PARP6: variants seen among roughly 807,000 people sequenced by gnomAD.
PARP6 encodes poly(ADP-ribose) polymerase family member 6.
In PARP6, 27 loss-of-function variants were observed where a neutral mutation model predicts 92.0. The observed-to-expected ratio is 0.29, with a 90% CI of 0.22 to 0.40. The LOEUF (loss-of-function observed/expected upper bound fraction) is 0.40. PARP6 is among the 10% of genes least tolerant of loss of function. The pLI is 1.00. For missense variants in PARP6, 501 were observed against 784.5 expected, an observed-to-expected ratio of 0.64 and a Z score of 4.32; for synonymous variants, 272 against 281.2, an observed-to-expected ratio of 0.97 and a Z score of 0.33.
intron 20 of PARP6, chr15:72,243,773 G>A (rs1049014470): frequency 1.3e-5 from 2 of 152,176 alleles, no homozygotes; most frequent in African/African-American, 4.8e-5. Context: ...ACACGTGCCT[G>A]TGTGTGTCCA....
rs199947731 is a variant in PARP6, at chr15:72,270,421, TA to T, written c.-195+601del. ...TTGAAAAGTTTCAAAATAAAAAGTT[TA>T]AAAAAAAAATCAGAAGCTACTCTAA... On this transcript the variant is annotated intron_variant, in intron 2 of 23. Transcript: ENST00000569795. Among the ~76,000 whole-genome samples, 44 of 150,488 alleles carry T rather than the reference TA, an allele frequency of 2.9e-4. 1 individual carries two copies. The East Asian group carries it at 4.5e-3, about 15-fold the overall frequency.
rs1328941338 is a variant in PARP6, at chr15:72,266,664, C to T, written c.81+81G>A. 4.0e-6 allele frequency: 4 copies of T among 997,628 alleles called. No individual in the cohort carries two copies. In the African/African-American group the frequency reaches 4.8e-5, roughly 12 times the overall value. The allele number at this position is 997,628 out of a possible 1,614,324, so 61.8% of individuals were successfully genotyped here. A position where few individuals can be genotyped will look rare whatever the true frequency, so the allele number is the denominator to read the frequency against. On this transcript the variant is annotated intron_variant, in intron 4 of 23. Transcript: ENST00000569795. ...ACCTCATCTCATCTGTGCTCCAGAA[C>T]CTCTTTCACTCCTGATGTATCCAAA...
At chr15:72,254,991 A>T (rs1216225915) in intron 14 of PARP6, among the ~76,000 whole-genome samples, 1 of 152,108 alleles carries the variant, frequency 6.6e-6, no homozygotes, top group Non-Finnish European at 1.5e-5. Context: ...GAATCAGCAG[A>T]CTGAGTAAAG....
intron 4 of PARP6, among the ~76,000 whole-genome samples, 153 bp downstream of exon 4, chr15:72,266,592 C>T (rs1375225513): frequency 6.6e-6 from 1 of 152,150 alleles, no homozygotes; most frequent in Non-Finnish European, 1.5e-5. Context: ...AGCAAGGGCA[C>T]GGGATCAGCT....
rs777275830 is a variant in PARP6 at position 72,241,999 on chromosome 15, G to A, written c.1706-14C>T. On this transcript the variant is annotated splice_polypyrimidine_tract_variant and intron_variant, in intron 22 of 23. Coordinates refer to ENST00000569795, the MANE Select transcript of PARP6 (RefSeq NM_001323532.2). This position sits in a 1 kb window ranked among gnomAD's most constrained non-coding sequence, Gnocchi z 4.1. ...TAGATGTAATCACTGGGAGAAAGAG[G>A]GCCAGAAATCATAGATACAATGCTT... The A allele has an allele frequency of 3.1e-6, 5 of 1,596,718 alleles. No individual in the cohort carries two copies. Among genetic ancestry groups the A allele is most frequent in the Admixed American group, 3.3e-5 (2 of 59,986 alleles).
intron 15 of PARP6, 155 bp from the exon 16 acceptor site, chr15:72,253,659 C>A: frequency 1.4e-6 from 1 of 703,402 alleles, no homozygotes. Context: ...TCAAGGAGCC[C>A]TAGTCAGGCT....
intron 14 of PARP6, among the ~76,000 whole-genome samples, chr15:72,254,735 A>G (rs2084841865): frequency 6.6e-6 from 1 of 152,064 alleles, no homozygotes; most frequent in Admixed American, 6.6e-5. Flanking sequence ...GCCTCTTAGA[A>G]CCTTTAGCAT....
intron 20 of PARP6, chr15:72,243,635 T>C (rs965366004): frequency 1.3e-5 from 2 of 152,194 alleles, no homozygotes; most frequent in African/African-American, 4.8e-5. Context: ...GATATGAAAA[T>C]GTGCTTGTGT....
intron 8 of PARP6, among the ~76,000 whole-genome samples, chr15:72,262,607 T>C (rs2086043573): frequency 6.6e-6 from 1 of 152,216 alleles, no homozygotes; most frequent in African/African-American, 2.4e-5. Flanking sequence ...TGTTTCTATG[T>C]TGTTGCCAAC....
chr15:72,260,669 T>G lies in PARP6; in HGVS notation c.565A>C (p.Ile189Leu). ...PIPKSPSFPI[I>L]QDSMLKGKLG... ...TTGCCTTTCAGCATGGAGTCCTGTA[T>G]GATAGGGAAACTGGGAGACCTGCAG... The change falls in exon 10 of 24, where the codon ATA becomes CTA. Residue 189 changes from isoleucine to leucine, a missense_variant. Around this residue, in one of 4 missense-constraint regions of PARP6, gnomAD observed 291 missense variants for 352.0 expected, o/e 0.83. Transcript: ENST00000569795. 1.2e-6 allele frequency: 2 copies of G among 1,613,744 alleles called. No homozygotes were observed. Among genetic ancestry groups the G allele is most frequent in the South Asian group, 2.2e-5 (2 of 91,064 alleles).
At chr15:72,257,575 C>A in intron 12 of PARP6, 135 bp from the exon 13 acceptor site, 2 of 645,362 alleles carry the variant, frequency 3.1e-6, no homozygotes, top group Non-Finnish European at 5.5e-6. Context: ...GAGAAAACTA[C>A]CAATAAAGTC....
intron 4 of PARP6, 71 bp downstream of exon 4, chr15:72,266,673 CT>C: frequency 9.1e-7 from 1 of 1,096,584 alleles, no homozygotes; most frequent in Non-Finnish European, 1.4e-6. Context: ...ACCTCTTTCA[CT>C]CCTGATGTAT....
At chr15:72,243,079 G>A (rs1193968349) in intron 20 of PARP6, 1 of 201,914 alleles carries the variant, frequency 5.0e-6, no homozygotes, top group Non-Finnish European at 1.0e-5. Flanking sequence ...GGAAAGATAA[G>A]GTAGTGTGTG....
At chr15:72,271,485 A>T (rs2087422468) in intron 1 of PARP6, among the ~76,000 whole-genome samples, 198 bp from the exon 2 acceptor site, 2 of 152,204 alleles carry the variant, frequency 1.3e-5, no homozygotes, top group African/African-American at 4.8e-5. Context: ...GTGGTGGGTT[A>T]TGGAATTCAC....
intron 18 of PARP6, 195 bp from the exon 19 acceptor site, chr15:72,250,287 T>G (rs2084180500): frequency 3.7e-6 from 2 of 538,588 alleles, no homozygotes; most frequent in East Asian, 6.1e-5. Flanking sequence ...CGTCTCTATT[T>G]CCAGTCCCAT....
chr15:72,243,683 C>T (rs183800618), intron 20 of PARP6: 26 of 152,286 alleles, frequency 1.7e-4, no homozygotes, highest in African/African-American at 6.3e-4. Context: ...GAGGATAGGA[C>T]GTTAAGTCTC....
intron 20 of PARP6, 179 bp downstream of exon 20, chr15:72,249,066 A>G: frequency 2.4e-6 from 1 of 420,480 alleles, no homozygotes; most frequent in Admixed American, 4.1e-5. Flanking sequence ...CTCACCTTGT[A>G]AAGAATCTAA....
intron 11 of PARP6, among the ~76,000 whole-genome samples, chr15:72,259,051 G>T (rs868045676): frequency 1.3e-5 from 2 of 152,154 alleles, no homozygotes; most frequent in Non-Finnish European, 2.9e-5. Flanking sequence ...AAAACAAATC[G>T]TAACAGTTCA....
chr15:72,262,824 C>T (rs2086078183), intron 8 of PARP6, among the ~76,000 whole-genome samples: 2 of 152,210 alleles, frequency 1.3e-5, no homozygotes, highest in South Asian at 4.1e-4. Flanking sequence ...GTTTCTTCTT[C>T]CTCTGCCTAC....
Sources: gnomAD v4.1 joint callset for allele counts (sites outside exome capture counted in the v4.1 genomes callset) on GRCh38, gnomAD v4.1.1 for gene constraint, gnomAD v4.1.1 regional missense constraint, Gnocchi (gnomAD v3.1) non-coding constraint, MANE v1.5 for transcripts, NCBI Gene and HGNC (gene_info 2026-07-23, HGNC 2026-07-21) for gene names.